The following ANAPC4 variants were observed in gnomAD, a reference collection of about 807,000 sequenced individuals.
ANAPC4 encodes the protein anaphase promoting complex subunit 4.
ANAPC4 carries 63 observed loss-of-function variants against 119.8 expected under a neutral mutation model. That is an observed-to-expected ratio of 0.53 (90% CI 0.43 to 0.65). The LOEUF (loss-of-function observed/expected upper bound fraction) is 0.65. Among genes scored for constraint, ANAPC4 ranks in the 30% least tolerant of loss-of-function variants. ANAPC4 has a pLI of 0.00. For missense variants in ANAPC4, 716 were observed against 945.1 expected (o/e 0.76, Z 3.18); for synonymous variants, 283 against 318.6 (o/e 0.89, Z 1.19).
At chr4:25,385,079 T>C (rs1015028716) in intron 4 of ANAPC4, among the ~76,000 whole-genome samples, 2 of 152,192 alleles carry the variant, frequency 1.3e-5, no homozygotes, top group African/African-American at 2.4e-5. Flanking sequence ...ATGGGATAGA[T>C]TTAGCATAAT....
At chr4:25,413,930 C>CATGT in intron 22 of ANAPC4, 188 bp downstream of exon 22, 1 of 511,138 alleles carries the variant, frequency 2.0e-6, no homozygotes, top group South Asian at 3.2e-5. Flanking sequence ...TTCTTACACA[C>CATGT]GTGTGTGTGT....
chr4:25,390,546 A>C (rs1722289825), intron 8 of ANAPC4, among the ~76,000 whole-genome samples: 1 of 152,212 alleles, frequency 6.6e-6, no homozygotes, highest in African/African-American at 2.4e-5. Context: ...AATCTTCAGA[A>C]GCATTCTTAA....
At chr4:25,384,201 C>T (rs988487394) in intron 4 of ANAPC4, among the ~76,000 whole-genome samples, 2 of 152,206 alleles carry the variant, frequency 1.3e-5, no homozygotes, top group Non-Finnish European at 2.9e-5. Context: ...ACTCCTTATC[C>T]GTTCAAGTTT....
chr4:25,377,584 T>TG lies in ANAPC4; in HGVS notation c.129+29dup, dbSNP rs753134191. 2.5e-6 allele frequency: 4 copies of TG among 1,576,708 alleles called. No homozygotes were observed. In the East Asian group the frequency reaches 9.1e-5, roughly 36 times the overall value. On this transcript the variant is annotated intron_variant, in intron 2 of 28. Coordinates refer to ENST00000315368, the MANE Select transcript of ANAPC4 (RefSeq NM_013367.3). ...GAGTGAGCCGGCGGGAGCCCGCCTGTGCTGGGTCTGCTCCCGGGGGGCCCA... is the reference window on the plus strand; with the variant it reads ...GAGTGAGCCGGCGGGAGCCCGCCTGTGGCTGGGTCTGCTCCCGGGGGGCCCA...
rs1457270753 is a variant in ANAPC4 at position 25,380,310 on chromosome 4, T to C, written c.130-64T>C. ...TTTAAAAAAATTTTTAGTAGGGATC[T>C]AGGTTTATTTTATTTTTGGAAATGA... On this transcript the variant is annotated intron_variant, in intron 2 of 28. Coordinates refer to ENST00000315368, the MANE Select transcript of ANAPC4 (RefSeq NM_013367.3). 42 of 1,332,262 alleles carry C rather than the reference T, an allele frequency of 3.2e-5. No individual in the cohort carries two copies. The East Asian group carries it at 9.3e-4, about 30-fold the overall frequency. The allele number at this position is 1,332,262 out of a possible 1,614,324, so 82.5% of individuals were successfully genotyped here. A position where few individuals can be genotyped will look rare whatever the true frequency, so the allele number is the denominator to read the frequency against.
At position 25,405,458 on chromosome 4, in the gene ANAPC4, T is replaced by A. The variant is rs1723199157; in HGVS notation, c.1271-115T>A. The A allele has an allele frequency of 1.2e-6, 1 of 859,248 alleles. No individual in the cohort carries two copies. Among genetic ancestry groups the A allele is most frequent in the African/African-American group, 1.7e-5 (1 of 58,816 alleles). 53.2% of individuals were successfully genotyped at this position (859,248 alleles called of 1,614,324 possible). A position where few individuals can be genotyped will look rare whatever the true frequency, so the allele number is the denominator to read the frequency against. ...AAAAATGTTTTTGTTGGTGAAAAGC[T>A]GTGTAAAATTGAAGATTTAGTTCAG... On this transcript the variant is annotated intron_variant, in intron 17 of 28. Coordinates refer to ENST00000315368, the MANE Select transcript of ANAPC4 (RefSeq NM_013367.3). The surrounding 1 kb of genome is among the most constrained non-coding windows in gnomAD (Gnocchi z 4.6).
Position 25,415,181 on chromosome 4 carries a change from C to T in ANAPC4, c.1827-285C>T, listed in dbSNP as rs78282106. ...TCTGAAAAATAAATCATATTTAGAACGCCATTGGTAGCTTAAAAATGGTTT... is the reference window on the plus strand; with the variant it reads ...TCTGAAAAATAAATCATATTTAGAATGCCATTGGTAGCTTAAAAATGGTTT... On this transcript the variant is annotated intron_variant, in intron 25 of 28. Coordinates refer to ENST00000315368, the MANE Select transcript of ANAPC4 (RefSeq NM_013367.3). 2,154 of 285,590 alleles carry T rather than the reference C, an allele frequency of 7.5e-3. 57 individuals carry two copies. The highest frequency in any genetic ancestry group is 0.053 in the Admixed American group (1,037 of 19,548). The allele number at this position is 285,590 out of a possible 1,614,324, so 17.7% of individuals were successfully genotyped here.
At chr4:25,407,700 AAC>A (rs767207635) in intron 20 of ANAPC4, among the ~76,000 whole-genome samples, 21 of 121,428 alleles carry the variant, frequency 1.7e-4, no homozygotes, top group Non-Finnish European at 3.9e-4. Context: ...TTAAAAATTA[AAC>A]ATAATAAAAA....
rs183479420 is a variant in ANAPC4, at chr4:25,381,745, C to A, written c.235+1266C>A. Among the ~76,000 whole-genome samples the A allele has an allele frequency of 5.5e-3, 833 of 152,116 alleles. 12 individuals are homozygous for A. Among genetic ancestry groups the A allele is most frequent in the African/African-American group, 0.019 (796 of 41,522 alleles). ...TAGGTGAATCATGAGGTCAGGAGTT[C>A]AAGACCAGCCTGGCCAATATGGTGA... On this transcript the variant is annotated intron_variant, in intron 3 of 28. Transcript: ENST00000315368.
chr4:25,377,673 T>G, intron 2 of ANAPC4, 117 bp downstream of exon 2: 1 of 1,441,112 alleles, frequency 6.9e-7, no homozygotes, highest in Non-Finnish European at 9.2e-7. Context: ...TTTCCCCTTC[T>G]GCAGACATGG....
chr4:25,406,580 C>A (rs558766448), intron 18 of ANAPC4, among the ~76,000 whole-genome samples: 8 of 152,274 alleles, frequency 5.3e-5, no homozygotes, highest in African/African-American at 1.9e-4. Flanking sequence ...AACCTTAGGC[C>A]ATAAAGAGTT....
At chr4:25,398,525 AG>A (rs1331542480) in intron 16 of ANAPC4, among the ~76,000 whole-genome samples, 4 of 152,116 alleles carry the variant, frequency 2.6e-5, no homozygotes, top group African/African-American at 9.7e-5. Context: ...GTAAGGTAGG[AG>A]GTGGATTGAC....
chr4:25,415,387 A>G, intron 25 of ANAPC4, 79 bp from the exon 26 acceptor site: 3 of 1,100,928 alleles, frequency 2.7e-6, no homozygotes, highest in Non-Finnish European at 2.7e-6. Flanking sequence ...CCTGACAATC[A>G]TGTTCTTTTA....
intron 27 of ANAPC4, 161 bp from the exon 28 acceptor site, chr4:25,417,455 T>C (rs1723948431): frequency 2.8e-6 from 2 of 707,858 alleles, no homozygotes; most frequent in Non-Finnish European, 4.2e-6. Context: ...TAGAATATTA[T>C]ATCACAGCTT....
In ANAPC4 at chr4:25,415,560, T is replaced by A. The variant is rs745701261; in HGVS notation, c.1901+20T>A. On this transcript the variant is annotated intron_variant, in intron 26 of 28. Coordinates refer to ENST00000315368, the MANE Select transcript of ANAPC4 (RefSeq NM_013367.3). ...AAGAAGGTAAGTCTTGAATCTTGTT[T>A]GGATGAAATGTAGATACATGTGATA... The A allele has an allele frequency of 6.3e-7, 1 of 1,598,214 alleles. No individual in the cohort carries two copies. The highest frequency in any genetic ancestry group is 2.2e-5 in the East Asian group (1 of 44,730).
chr4:25,418,052 CT>C, intron 28 of ANAPC4, 102 bp from the exon 29 acceptor site: 2 of 1,151,330 alleles, frequency 1.7e-6, no homozygotes, highest in Non-Finnish European at 2.5e-6. Flanking sequence ...GGGAATATAA[CT>C]TTCCTATAAA....
Position 25,417,870 on chromosome 4 carries a change from A to G in ANAPC4, c.2199+131A>G, listed in dbSNP as rs1723970163. 1.2e-5 allele frequency: 15 copies of G among 1,262,778 alleles called. No individual in the cohort carries two copies. The South Asian group carries it at 2.3e-4, about 20-fold the overall frequency. 78.2% of individuals were successfully genotyped at this position (1,262,778 alleles called of 1,614,324 possible). On this transcript the variant is annotated intron_variant, in intron 28 of 28. Transcript: ENST00000315368. ...ATTTTTACTGTGATTTATAGCTTGTATTGATTATGATCATGTGGTGGCCTT... is the reference window on the plus strand; with the variant it reads ...ATTTTTACTGTGATTTATAGCTTGTGTTGATTATGATCATGTGGTGGCCTT...
chr4:25,386,854 A>C (rs1722064087), intron 4 of ANAPC4, among the ~76,000 whole-genome samples: 1 of 152,214 alleles, frequency 6.6e-6, no homozygotes, highest in Non-Finnish European at 1.5e-5. Context: ...TGAATAGCTA[A>C]GAGTTTTCTC....
intron 4 of ANAPC4, among the ~76,000 whole-genome samples, chr4:25,387,295 A>T (rs969403583): frequency 2.6e-5 from 4 of 152,178 alleles, no homozygotes; most frequent in Admixed American, 6.5e-5. Context: ...TAATTTTCTT[A>T]CCATTAACTT....
Sources: allele counts gnomAD v4.1 joint callset (sites outside exome capture counted in the v4.1 genomes callset), GRCh38; gene constraint gnomAD v4.1.1; non-coding constraint Gnocchi (gnomAD v3.1); transcripts MANE v1.5; gene names NCBI Gene and HGNC (gene_info 2026-07-23, HGNC 2026-07-21).